The following ACVR1C variants were observed in gnomAD, a reference collection of about 807,000 sequenced individuals.
ACVR1C encodes the protein activin A receptor type 1C, also known as activin receptor type-1C.
A neutral mutation model predicts 57.9 loss-of-function variants in ACVR1C; 23 were observed. The observed-to-expected ratio is 0.40, with a 90% CI of 0.29 to 0.56. The LOEUF is 0.56. Ranked by LOEUF, ACVR1C falls within the 20% of genes least tolerant of loss-of-function variation. ACVR1C has a pLI of 0.50. For synonymous variants in ACVR1C, 214 were observed against 215.3 expected, an observed-to-expected ratio of 0.99 and a Z score of 0.05; for missense variants, 480 against 607.9, an observed-to-expected ratio of 0.79 and a Z score of 2.21.
chr2:157,534,343 C>T (rs377037640), intron 8 of ACVR1C, among the ~76,000 whole-genome samples: 1 of 152,068 alleles, frequency 6.6e-6, no homozygotes, highest in Non-Finnish European at 1.5e-5. Context: ...GATGAAGAAA[C>T]AGTAAATTTA....
intron 1 of ACVR1C, among the ~76,000 whole-genome samples, chr2:157,620,233 G>A (rs1319967713): frequency 3.3e-5 from 5 of 151,976 alleles, no homozygotes; most frequent in Non-Finnish European, 5.9e-5. Flanking sequence ...TAATTATTCT[G>A]TATTCAACCT....
At position 157,527,779 on chromosome 2, in the gene ACVR1C, GAA is replaced by G. The variant is rs1687262879; in HGVS notation, c.*6137_*6138del. ...TATTATTTAGCCTATGGAAGAAATA[GAA>G]ATATTAGTAAATGTCATTCTACGCT... is the stretch of plus-strand genomic sequence containing the variant. On this transcript the variant is annotated 3_prime_UTR_variant, in exon 9 of 9. Transcript: ENST00000243349. 6.6e-6 allele frequency: 1 copy of G among 152,272 alleles called. No individual in the cohort carries two copies. The highest frequency in any genetic ancestry group is 2.1e-4 in the South Asian group (1 of 4,830). The allele number at this position is 152,272 out of a possible 1,614,324, so 9.4% of individuals were successfully genotyped here.
chr2:157,610,678 T>C (rs1682511849), intron 1 of ACVR1C, among the ~76,000 whole-genome samples: 1 of 152,212 alleles, frequency 6.6e-6, no homozygotes, highest in Non-Finnish European at 1.5e-5. Context: ...ATAATTTGTA[T>C]ATTTGGTCCC....
chr2:157,611,407 G>C (rs551917725), intron 1 of ACVR1C, among the ~76,000 whole-genome samples: 60 of 152,296 alleles, frequency 3.9e-4, no homozygotes, highest in African/African-American at 1.4e-3. Context: ...TTAGGCACGA[G>C]TGGTGGCAGC....
intron 7 of ACVR1C, among the ~76,000 whole-genome samples, chr2:157,540,425 A>C (rs566695693): frequency 6.6e-6 from 1 of 151,702 alleles, no homozygotes; most frequent in South Asian, 2.1e-4. Flanking sequence ...CAATGGCGCA[A>C]TCTCAGCTCA....
At chr2:157,617,251 T>C (rs953277654) in intron 1 of ACVR1C, among the ~76,000 whole-genome samples, 4 of 152,040 alleles carry the variant, frequency 2.6e-5, no homozygotes, top group African/African-American at 9.7e-5. Context: ...GGCATGGAAA[T>C]TGTAAATGTG....
At chr2:157,546,040 C>T (rs921775995) in intron 4 of ACVR1C, among the ~76,000 whole-genome samples, 1 of 152,168 alleles carries the variant, frequency 6.6e-6, no homozygotes, top group South Asian at 2.1e-4. Flanking sequence ...CCTTGGCCTC[C>T]CGAAGTGCTG....
At chr2:157,554,201 G>GAGAAAGAAAGAAAGAAAGAAAGAAGGAA in intron 3 of ACVR1C, among the ~76,000 whole-genome samples, 1 of 41,444 alleles carries the variant, frequency 2.4e-5, no homozygotes, top group East Asian at 9.1e-4. Context: ...ATAAAGAAGA[G>GAGAAAGAAAGAAAGAAAGAAAGAAGGAA]AGAAAGAAAG....
chr2:157,616,344 TTGA>T, intron 1 of ACVR1C, among the ~76,000 whole-genome samples: 1 of 152,258 alleles, frequency 6.6e-6, no homozygotes. Context: ...GTCAGGTCAA[TTGA>T]TGAGCACACC....
intron 2 of ACVR1C, among the ~76,000 whole-genome samples, chr2:157,576,835 C>CTTTTTTTTTTTT (rs1166673398): frequency 7.2e-5 from 3 of 41,716 alleles, no homozygotes; most frequent in African/African-American, 2.7e-4. Context: ...TTGAAATTTT[C>CTTTTTTTTTTTT]TTTTTTTTTT....
chr2:157,572,908 G>A (rs1403888214), intron 2 of ACVR1C, among the ~76,000 whole-genome samples: 20 of 152,086 alleles, frequency 1.3e-4, no homozygotes, highest in African/African-American at 4.6e-4. Flanking sequence ...TGTGATGGCA[G>A]AACAATTCCA....
intron 2 of ACVR1C, among the ~76,000 whole-genome samples, chr2:157,558,974 A>G (rs1688172792): frequency 6.6e-6 from 1 of 152,206 alleles, no homozygotes; most frequent in Non-Finnish European, 1.5e-5. Flanking sequence ...ACACAATTCC[A>G]CTACTGAATA....
chr2:157,533,923 C>T lies in ACVR1C; in HGVS notation c.1477G>A (p.Ala493Thr). The change falls in exon 9 of 9, where the codon GCC (alanine) becomes ACC (threonine). Residue 493 changes from alanine (A) to threonine (T), a missense_variant. Physicochemically the swap from Ala to Thr is moderately conservative, Grantham distance 58. Coordinates refer to ENST00000243349, the MANE Select transcript of ACVR1C (RefSeq NM_145259.3). ...TTTTAACATAATTATCATCATTAGG[C>T]TTTGCAGTCTTCTTTGACACAAAGT... ...SQLCVKEDCK[A>T] 1 of 1,573,608 alleles carries T rather than the reference C, an allele frequency of 6.4e-7. No homozygotes were observed. Among genetic ancestry groups the T allele is most frequent in the Non-Finnish European group, 8.6e-7 (1 of 1,165,728 alleles).
intron 8 of ACVR1C, 51 bp downstream of exon 8, chr2:157,538,522 A>C (rs968372284): frequency 1.4e-3 from 1,664 of 1,180,350 alleles, no homozygotes; most frequent in Non-Finnish European, 1.8e-3. Context: ...TCTCCCCGAT[A>C]CTCACCTCAA....
chr2:157,549,880 G>C lies in ACVR1C; in HGVS notation c.775+282C>G, dbSNP rs953465450. On this transcript the variant is annotated intron_variant, in intron 4 of 8. Coordinates refer to ENST00000243349, the MANE Select transcript of ACVR1C (RefSeq NM_145259.3). ...TAGCCAGGCGTAGTGGCGGGCGCCT[G>C]TAGTCCAAGCTACTTGGGAGGCTGA... 7.5e-5 allele frequency among the ~76,000 whole-genome samples: 11 copies of C among 147,276 alleles called. 1 individual carries two copies. In the East Asian group the frequency reaches 2.0e-3, roughly 26 times the overall value.
intron 1 of ACVR1C, among the ~76,000 whole-genome samples, chr2:157,605,491 C>T (rs936745377): frequency 6.6e-5 from 10 of 151,650 alleles, no homozygotes; most frequent in African/African-American, 2.4e-4. Flanking sequence ...AATAAACTGA[C>T]AACACTGAGC....
In ACVR1C at chr2:157,534,053, AG is replaced by A; in HGVS notation, c.1357-11del. Reference sequence around the variant, plus strand: ...CCATGACTCGGAGTGCCTTTAAGAGAGAAAAAAAAAATCAAAGACTTTAGCT... The same window carrying A: ...CCATGACTCGGAGTGCCTTTAAGAGAAAAAAAAAAATCAAAGACTTTAGCT... On this transcript the variant is annotated splice_polypyrimidine_tract_variant and intron_variant, in intron 8 of 8. Coordinates refer to ENST00000243349, the MANE Select transcript of ACVR1C (RefSeq NM_145259.3). 6.5e-7 allele frequency: 1 copy of A among 1,529,050 alleles called. No individual in the cohort carries two copies. Among genetic ancestry groups the A allele is most frequent in the Non-Finnish European group, 8.7e-7 (1 of 1,144,192 alleles). 94.7% of individuals were successfully genotyped at this position (1,529,050 alleles called of 1,614,324 possible).
intron 1 of ACVR1C, among the ~76,000 whole-genome samples, chr2:157,615,965 T>C (rs968220914): frequency 1.3e-5 from 2 of 152,200 alleles, no homozygotes; most frequent in Non-Finnish European, 1.5e-5. Context: ...TAGAATATGA[T>C]GGATATGGTC....
At chr2:157,551,884 C>T (rs1247307780) in intron 3 of ACVR1C, among the ~76,000 whole-genome samples, 1 of 152,172 alleles carries the variant, frequency 6.6e-6, no homozygotes, top group Non-Finnish European at 1.5e-5. Context: ...GCACAGACTA[C>T]AAATCTGCTG....
Sources: allele counts gnomAD v4.1 joint callset (sites outside exome capture counted in the v4.1 genomes callset), GRCh38; gene constraint gnomAD v4.1.1; transcripts MANE v1.5; gene names NCBI Gene and HGNC (gene_info 2026-07-23, HGNC 2026-07-21).